Variants in NAA25 observed in about 807,000 individuals in gnomAD.
NAA25 encodes the protein N-alpha-acetyltransferase 25, NatB auxiliary subunit, also known as N-terminal acetyltransferase B complex subunit NAA25.
A neutral mutation model predicts 132.5 loss-of-function variants in NAA25; 30 were observed. The ratio of observed to expected loss-of-function variants is 0.23; its 90% CI spans 0.17 to 0.31. NAA25 has a LOEUF of 0.31. Ranked by LOEUF, NAA25 falls within the 10% of genes least tolerant of loss-of-function variation. The probability of loss-of-function intolerance (pLI) is 1.00; values close to 1 mark genes in which losing one functional copy is unlikely to be tolerated. For missense variants in NAA25, 771 were observed against 1,150.4 expected (o/e 0.67, Z 4.77); for synonymous variants, 359 against 401.9 (o/e 0.89, Z 1.28).
At chr12:112,066,800 C>T (rs1296599432) in intron 11 of NAA25, among the ~76,000 whole-genome samples, 1 of 152,166 alleles carries the variant, frequency 6.6e-6, no homozygotes, top group African/African-American at 2.4e-5. Context: ...TTGGGGAATG[C>T]ACTGCTCTAT....
intron 11 of NAA25, 121 bp downstream of exon 11, chr12:112,068,759 G>C: frequency 1.7e-6 from 1 of 599,660 alleles, no homozygotes; most frequent in Middle Eastern, 3.2e-4. Context: ...TGACAGGGCA[G>C]TTATCATTGT....
intron 23 of NAA25, among the ~76,000 whole-genome samples, 188 bp from the exon 24 acceptor site, chr12:112,029,841 C>T (rs987381657): frequency 1.3e-5 from 2 of 152,052 alleles, no homozygotes; most frequent in East Asian, 3.9e-4. Flanking sequence ...GGGTATTTTT[C>T]GATGTGATTC....
intron 20 of NAA25, 69 bp downstream of exon 20, chr12:112,041,970 G>A: frequency 1.1e-6 from 1 of 936,322 alleles, no homozygotes. Flanking sequence ...TGGGAATAGG[G>A]GAAAGAACTT....
chr12:112,054,675 A>C (rs1023062056), intron 13 of NAA25, 107 bp from the exon 14 acceptor site: 1 of 1,063,270 alleles, frequency 9.4e-7, no homozygotes, highest in Non-Finnish European at 1.3e-6. Context: ...CAATAAATGA[A>C]GTTAAATGAC....
In NAA25 at chr12:112,048,564, G is replaced by A. The variant is rs1468995692; in HGVS notation, c.1729-121C>T. ...TAAGTTTTAAATCTAATCTTTAAAG[G>A]TCTTGGTCACCAAGTAGAATATTAG... On this transcript the variant is annotated intron_variant, in intron 15 of 23. Transcript: ENST00000261745. 1.3e-5 allele frequency: 10 copies of A among 786,452 alleles called. No homozygotes were observed. In the Admixed American group the frequency reaches 2.4e-4, roughly 19 times the overall value. 48.7% of individuals were successfully genotyped at this position (786,452 alleles called of 1,614,324 possible).
intron 13 of NAA25, among the ~76,000 whole-genome samples, chr12:112,055,315 AACAC>A (rs1431706968): frequency 6.6e-6 from 1 of 152,192 alleles, no homozygotes; most frequent in Non-Finnish European, 1.5e-5. Flanking sequence ...TGTTCAGTAA[AACAC>A]ACACACAGAA....
intron 1 of NAA25, among the ~76,000 whole-genome samples, chr12:112,100,813 G>A (rs1229851101): frequency 6.6e-6 from 1 of 150,548 alleles, no homozygotes; most frequent in East Asian, 2.0e-4. Context: ...TGGAGACGGG[G>A]TTTCACCGTG....
intron 11 of NAA25, among the ~76,000 whole-genome samples, chr12:112,067,789 T>C (rs1302425973): frequency 6.6e-6 from 1 of 152,202 alleles, no homozygotes; most frequent in Non-Finnish European, 1.5e-5. Flanking sequence ...GTCAATCATG[T>C]GGTTGCTGTG....
chr12:112,095,132 T>C (rs540181736), intron 1 of NAA25, among the ~76,000 whole-genome samples: 73 of 151,878 alleles, frequency 4.8e-4, no homozygotes, highest in Admixed American at 1.6e-3. Flanking sequence ...CAAGACACCA[T>C]CTCTAGAAAA....
rs574243839 is a variant in NAA25 at position 112,056,366 on chromosome 12, A to T, written c.1448-1798T>A. On this transcript the variant is annotated intron_variant, in intron 13 of 23. Coordinates refer to ENST00000261745, the MANE Select transcript of NAA25 (RefSeq NM_024953.4). Reference sequence around the variant, plus strand: ...AATAAAATTTAATAATAAATAAAAAATTTAAAAAAATTTAAAATTAACTAA... The same window carrying T: ...AATAAAATTTAATAATAAATAAAAATTTTAAAAAAATTTAAAATTAACTAA... 7.3e-5 allele frequency among the ~76,000 whole-genome samples: 11 copies of T among 151,682 alleles called. No homozygotes were observed. The South Asian group carries it at 2.3e-3, about 31-fold the overall frequency.
chr12:112,029,546 C>T lies in NAA25; in HGVS notation c.2904G>A (p.Lys968=), dbSNP rs754954595. The change falls in exon 24 of 24, where the codon AAG becomes AAA. Residue 968 remains lysine (K), a synonymous_variant. Coordinates refer to ENST00000261745, the MANE Select transcript of NAA25 (RefSeq NM_024953.4). ...AGATACTTCCTTAAATTTTTAGTTT[C>T]TTTGTGGTCTCAAGTCTTTTTTTCA... is the stretch of plus-strand genomic sequence containing the variant. ...ELLKKRLETT[K]KLKI The T allele has an allele frequency of 3.7e-6, 6 of 1,613,782 alleles. No homozygotes were observed. The highest frequency in any genetic ancestry group is 1.6e-4 in the Middle Eastern group (1 of 6,062).
intron 4 of NAA25, among the ~76,000 whole-genome samples, chr12:112,086,073 T>TATATATATATATACACACACAC (rs759148501): frequency 3.9e-4 from 21 of 53,980 alleles, no homozygotes; most frequent in African/African-American, 1.2e-3. Context: ...TATATATATA[T>TATATATATATATACACACACAC]ACACACACAC....
chr12:112,027,680 C>T lies in NAA25; in HGVS notation c.*1851G>A, dbSNP rs1198464827. 3 of 152,186 alleles carry T rather than the reference C, an allele frequency of 2.0e-5. No homozygotes were observed. Among genetic ancestry groups the T allele is most frequent in the Non-Finnish European group, 4.4e-5 (3 of 68,038 alleles). 9.4% of individuals were successfully genotyped at this position (152,186 alleles called of 1,614,324 possible). A position where few individuals can be genotyped will look rare whatever the true frequency, so the allele number is the denominator to read the frequency against. On this transcript the variant is annotated 3_prime_UTR_variant, in exon 24 of 24. Coordinates refer to ENST00000261745, the MANE Select transcript of NAA25 (RefSeq NM_024953.4). ...TCAGTCGATAGACTTTTTCAAAGAG[C>T]ATTTCTACAGTACAGTACTTTTTTG...
At chr12:112,101,583 C>T (rs933640146) in intron 1 of NAA25, among the ~76,000 whole-genome samples, 3 of 151,990 alleles carry the variant, frequency 2.0e-5, no homozygotes, top group Non-Finnish European at 2.9e-5. Flanking sequence ...ATGGTGAAAT[C>T]CCATCTCTAC....
rs2136823731 is a variant in NAA25, at chr12:112,047,664, C to A, written c.2006+1G>T. The stretch of plus-strand genomic sequence containing the variant: ...ATTGCTTGGGGTTAAATTCCAGTTA[C>A]CTGTCTTTTGGATCCCAGCTGAAAA... On this transcript the variant is annotated splice_donor_variant, in intron 17 of 23. Transcript: ENST00000261745. LOFTEE classifies it high-confidence loss of function. 1 of 1,607,446 alleles carries A rather than the reference C, an allele frequency of 6.2e-7. No individual in the cohort carries two copies. Among genetic ancestry groups the A allele is most frequent in the South Asian group, 1.1e-5 (1 of 88,898 alleles).
chr12:112,069,372 C>A (rs1319732617), intron 10 of NAA25, among the ~76,000 whole-genome samples: 1 of 151,982 alleles, frequency 6.6e-6, no homozygotes, highest in Non-Finnish European at 1.5e-5. Flanking sequence ...GGCGTGGCAG[C>A]ACATGCTTGT....
Position 112,043,788 on chromosome 12 carries a change from A to G in NAA25, c.2087T>C (p.Leu696Pro). Reference sequence around the variant, plus strand: ...GTTGAGACTTGGAAGTCCACTTATCAGCCTCAATGTTAAGGATCGGATTCT... The same window carrying G: ...GTTGAGACTTGGAAGTCCACTTATCGGCCTCAATGTTAAGGATCGGATTCT... ...WLRIRSLTLR[L>P]ISGLPSLNHP... The change falls in exon 18 of 24, where the codon CTG (leucine) becomes CCG (proline). Residue 696 changes from leucine (L) to proline (P), a missense_variant. Coordinates refer to ENST00000261745, the MANE Select transcript of NAA25 (RefSeq NM_024953.4). 6.2e-7 allele frequency: 1 copy of G among 1,614,210 alleles called. No individual in the cohort carries two copies. The highest frequency in any genetic ancestry group is 8.5e-7 in the Non-Finnish European group (1 of 1,180,032).
At chr12:112,045,822 C>A (rs2078373081) in intron 17 of NAA25, among the ~76,000 whole-genome samples, 1 of 151,922 alleles carries the variant, frequency 6.6e-6, no homozygotes, top group African/African-American at 2.4e-5. Context: ...AAAAATAATA[C>A]TTACACAACT....
In NAA25 at chr12:112,039,178, T is replaced by A. The variant is rs370291038; in HGVS notation, c.2649+51A>T. On this transcript the variant is annotated intron_variant, in intron 22 of 23. Coordinates refer to ENST00000261745, the MANE Select transcript of NAA25 (RefSeq NM_024953.4). ...GGAGGAAAACAGTGAAAAGAAAAAG[T>A]AGCATGTGGTCAGATTGTTCCTTGT... The A allele has an allele frequency of 9.7e-6, 11 of 1,132,286 alleles. No individual in the cohort carries two copies. In the East Asian group the frequency reaches 1.7e-4, roughly 18 times the overall value. The allele number at this position is 1,132,286 out of a possible 1,614,324, so 70.1% of individuals were successfully genotyped here.
Sources: gnomAD v4.1 joint callset for allele counts (sites outside exome capture counted in the v4.1 genomes callset) on GRCh38, gnomAD v4.1.1 for gene constraint, MANE v1.5 for transcripts, NCBI Gene and HGNC (gene_info 2026-07-23, HGNC 2026-07-21) for gene names.